Variants in RMND5A observed in about 807,000 individuals in gnomAD.
RMND5A encodes the protein E3 ubiquitin-protein transferase RMND5A.
RMND5A carries 17 observed loss-of-function variants against 49.7 expected under a neutral mutation model. The ratio of observed to expected loss-of-function variants is 0.34; its 90% confidence interval spans 0.23 to 0.51. The LOEUF is 0.51. Among genes scored for constraint, RMND5A ranks in the 20% least tolerant of loss-of-function variants. The probability of loss-of-function intolerance (pLI) is 0.96; values close to 1 mark genes in which losing one functional copy is unlikely to be tolerated. For synonymous variants in RMND5A, 156 were observed against 167.7 expected (o/e 0.93, Z 0.54); for missense variants, 255 against 471.3 (o/e 0.54, Z 4.25).
intron 4 of RMND5A, 58 bp from the exon 5 acceptor site, chr2:86,764,969 T>G: frequency 6.6e-7 from 1 of 1,521,472 alleles, no homozygotes; most frequent in Non-Finnish European, 8.8e-7. Context: ...TTCAAATAGT[T>G]TTTAAGACAC....
chr2:86,755,380 C>T (rs1046483712), intron 4 of RMND5A, among the ~76,000 whole-genome samples: 2 of 152,182 alleles, frequency 1.3e-5, no homozygotes, highest in East Asian at 3.8e-4. Context: ...CGTCAGCTGC[C>T]CGAAGTACTG....
At chr2:86,743,315 T>G (rs1474123372) in intron 2 of RMND5A, among the ~76,000 whole-genome samples, 1 of 152,108 alleles carries the variant, frequency 6.6e-6, no homozygotes, top group African/African-American at 2.4e-5. Flanking sequence ...GTGTTCATGG[T>G]AAAGATTCCT....
At chr2:86,744,788 T>G (rs984316920) in intron 2 of RMND5A, among the ~76,000 whole-genome samples, 2 of 152,030 alleles carry the variant, frequency 1.3e-5, no homozygotes, top group African/African-American at 4.8e-5. Flanking sequence ...GCTCGAGTGG[T>G]CCTCCCACCT....
Position 86,765,933 on chromosome 2 carries a change from G to C in RMND5A, c.763G>C (p.Asp255His), listed in dbSNP as rs1223080193. Residue 255 changes from aspartate to histidine, a missense_variant, in exon 6 of 9, where the codon GAT becomes CAT. Physicochemically the swap from Asp to His is moderately conservative, Grantham distance 81. Transcript: ENST00000283632. Reference sequence around the variant, plus strand: ...GAACTCACCATATGTTCACCTACTTGATGCAAACCAGTGGGCTGATATCTG... The same window carrying C: ...GAACTCACCATATGTTCACCTACTTCATGCAAACCAGTGGGCTGATATCTG... ...IENSPYVHLL[D>H]ANQWADICDI... 5 of 1,614,034 alleles carry C rather than the reference G, an allele frequency of 3.1e-6. No homozygotes were observed. The highest frequency in any genetic ancestry group is 4.2e-6 in the Non-Finnish European group (5 of 1,180,026).
rs760407893 is a variant in RMND5A at position 86,720,769 on chromosome 2, C to T, written c.102C>T (p.Asp34=). ...AGCGCGGCCTGGAGGAGCTCATCGA[C>T]TACACCGGCGGCCTCAAGCACGAGA... ...LCERGLEELI[D]YTGGLKHEIL... Residue 34 remains aspartate (D), a synonymous_variant, in exon 1 of 9, where the codon GAC becomes GAT. Coordinates refer to ENST00000283632, the MANE Select transcript of RMND5A (RefSeq NM_022780.4). The T allele has an allele frequency of 3.8e-6, 6 of 1,596,072 alleles. No individual in the cohort carries two copies. The South Asian group carries it at 5.6e-5, about 15-fold the overall frequency.
At chr2:86,761,393 T>A (rs1672486725) in intron 4 of RMND5A, among the ~76,000 whole-genome samples, 1 of 152,132 alleles carries the variant, frequency 6.6e-6, no homozygotes, top group Admixed American at 6.5e-5. Flanking sequence ...CAGTTAACTG[T>A]GGCCAGGGAA....
Position 86,720,447 on chromosome 2 carries a change from C to G in RMND5A, c.-221C>G, listed in dbSNP as rs1681174992. 1 of 200,852 alleles carries G rather than the reference C, an allele frequency of 5.0e-6. No homozygotes were observed. The highest frequency in any genetic ancestry group is 1.3e-4 in the East Asian group (1 of 7,408). The allele number at this position is 200,852 out of a possible 1,614,324, so 12.4% of individuals were successfully genotyped here. On this transcript the variant is annotated 5_prime_UTR_variant, in exon 1 of 9. Coordinates refer to ENST00000283632, the MANE Select transcript of RMND5A (RefSeq NM_022780.4). ...GCCGAGTGCAGCGAGCGAACGGGAG[C>G]AGCGGCGACTCGCCGGGGGGCTAGG...
intron 4 of RMND5A, among the ~76,000 whole-genome samples, chr2:86,756,418 A>G (rs1374955421): frequency 6.6e-6 from 1 of 152,190 alleles, no homozygotes; most frequent in East Asian, 1.9e-4. Context: ...ACGTACCATC[A>G]GTAATCCTAC....
chr2:86,745,242 C>T (rs978958879), intron 2 of RMND5A, among the ~76,000 whole-genome samples: 2 of 152,102 alleles, frequency 1.3e-5, no homozygotes, highest in Non-Finnish European at 2.9e-5. Context: ...TATCTCAAAT[C>T]TGATGTGGTA....
chr2:86,759,509 C>A (rs1681806207), intron 4 of RMND5A, among the ~76,000 whole-genome samples: 1 of 151,848 alleles, frequency 6.6e-6, no homozygotes, highest in Non-Finnish European at 1.5e-5. Context: ...TGGAGTAATT[C>A]CAAAGGTGAC....
At chr2:86,770,176 A>G (rs1672665474) in intron 7 of RMND5A, 51 bp downstream of exon 7, 1 of 1,232,708 alleles carries the variant, frequency 8.1e-7, no homozygotes, top group Non-Finnish European at 1.2e-6. Flanking sequence ...TTAGAAGAAT[A>G]TGGCATCTTT....
At chr2:86,771,481 C>A in intron 7 of RMND5A, 77 bp from the exon 8 acceptor site, 1 of 1,294,532 alleles carries the variant, frequency 7.7e-7, no homozygotes, top group Non-Finnish European at 1.1e-6. Context: ...TTCTTTGCTG[C>A]ACAGTGTATA....
chr2:86,749,364 A>G (rs1358377031), intron 2 of RMND5A, among the ~76,000 whole-genome samples: 1 of 151,766 alleles, frequency 6.6e-6, no homozygotes, highest in Admixed American at 6.6e-5. Context: ...TTGCTTTAGC[A>G]TCTAGGTACT....
chr2:86,765,219 A>T (rs749594136), intron 5 of RMND5A, 26 bp downstream of exon 5: 45 of 1,377,992 alleles, frequency 3.3e-5, no homozygotes, highest in Non-Finnish European at 4.6e-5. Flanking sequence ...GATGTTATTA[A>T]TGTTTGAAAC....
intron 2 of RMND5A, among the ~76,000 whole-genome samples, chr2:86,751,305 TG>T (rs1468077414): frequency 6.6e-6 from 1 of 152,230 alleles, no homozygotes; most frequent in African/African-American, 2.4e-5. Context: ...GTAGCCAATA[TG>T]GGACCTAGGA....
At chr2:86,748,648 A>G (rs1001403335) in intron 2 of RMND5A, among the ~76,000 whole-genome samples, 4 of 152,194 alleles carry the variant, frequency 2.6e-5, no homozygotes, top group African/African-American at 9.7e-5. Flanking sequence ...TAGTTGATGA[A>G]TATTTACTTT....
intron 2 of RMND5A, among the ~76,000 whole-genome samples, chr2:86,742,253 T>C (rs935928293): frequency 6.7e-6 from 1 of 148,716 alleles, no homozygotes; most frequent in African/African-American, 2.5e-5. Flanking sequence ...AGCAGCAGGG[T>C]TCCAGCCACG....
intron 6 of RMND5A, 130 bp downstream of exon 6, chr2:86,766,154 C>T (rs756356109): frequency 2.5e-6 from 2 of 789,936 alleles, no homozygotes; most frequent in Non-Finnish European, 4.0e-6. Flanking sequence ...ATTGGTATTT[C>T]AAAAGATATC....
intron 7 of RMND5A, among the ~76,000 whole-genome samples, chr2:86,770,903 C>T (rs1027192305): frequency 6.6e-6 from 1 of 152,240 alleles, no homozygotes; most frequent in Admixed American, 6.5e-5. Flanking sequence ...ATTGTCGTTC[C>T]TGTCATGATT....
Sources: gnomAD v4.1 joint callset for allele counts (sites outside exome capture counted in the v4.1 genomes callset) on GRCh38, gnomAD v4.1.1 for gene constraint, MANE v1.5 for transcripts, NCBI Gene and HGNC (gene_info 2026-07-23, HGNC 2026-07-21) for gene names.